DENND5A: variants seen among roughly 807,000 people sequenced by gnomAD.
The protein encoded by DENND5A is DENN domain-containing protein 5A.
Under a neutral mutation model 140.3 loss-of-function variants are expected in DENND5A, and 64 were observed. The ratio of observed to expected loss-of-function variants is 0.46; its 90% CI spans 0.37 to 0.56. The LOEUF (loss-of-function observed/expected upper bound fraction) is 0.56. Ranked by LOEUF, DENND5A falls within the 20% of genes least tolerant of loss-of-function variation. The probability of loss-of-function intolerance (pLI) is 0.00; values close to 1 mark genes in which losing one functional copy is unlikely to be tolerated. For missense variants in DENND5A, 1,292 were observed against 1,593.8 expected (o/e 0.81, Z 3.22); for synonymous variants, 605 against 607.7 (o/e 1.00, Z 0.07).
rs115535349 is a variant in DENND5A at position 9,173,626 on chromosome 11, A to G, written c.1907-2849T>C. Among the ~76,000 whole-genome samples, 393 of 152,292 alleles carry G rather than the reference A, an allele frequency of 2.6e-3. 1 individual carries two copies. Among genetic ancestry groups the G allele is most frequent in the African/African-American group, 8.9e-3 (369 of 41,562 alleles). ...CCCTTCAGCTTACCAAACAGCTGGG[A>G]GTATGGGTGCACATGACTGTGCCTG... On this transcript the variant is annotated intron_variant, in intron 8 of 22. Transcript: ENST00000328194.
chr11:9,178,817 G>A (rs1343394265), intron 7 of DENND5A, 41 bp downstream of exon 7: 3 of 1,522,710 alleles, frequency 2.0e-6, no homozygotes, highest in Admixed American at 1.7e-5. Flanking sequence ...TAACTGGCAA[G>A]TTCTCATTCC....
chr11:9,229,690 A>G (rs1207296172), intron 1 of DENND5A, among the ~76,000 whole-genome samples: 1 of 152,096 alleles, frequency 6.6e-6, no homozygotes, highest in African/African-American at 2.4e-5. Flanking sequence ...ATACCCAGGA[A>G]GAAGGAATGC....
Position 9,232,180 on chromosome 11 carries a change from C to T in DENND5A, c.110-24548G>A, listed in dbSNP as rs79290213. Among the ~76,000 whole-genome samples, 320 of 152,056 alleles carry T rather than the reference C, an allele frequency of 2.1e-3. 3 individuals carry two copies. The highest frequency in any genetic ancestry group is 7.5e-3 in the African/African-American group (312 of 41,502). ...GAAAACACAGAACATCTTCATGATC[C>T]TGCAATAACAAAGATATAAAATGCA... On this transcript the variant is annotated intron_variant, in intron 1 of 22. Coordinates refer to ENST00000328194, the MANE Select transcript of DENND5A (RefSeq NM_015213.4).
chr11:9,204,290 T>C lies in DENND5A; in HGVS notation c.319A>G (p.Lys107Glu). ...MLCMPKGLAF[K>E]TQADPREPQF... ...GGCTCCCTGGGATCAGCCTGGGTCTTGAATGCCAGCCCTTTCGGCATACAT... is the reference window on the plus strand; with the variant it reads ...GGCTCCCTGGGATCAGCCTGGGTCTCGAATGCCAGCCCTTTCGGCATACAT... Residue 107 changes from lysine (K) to glutamate (E), a missense_variant, in exon 4 of 23, where the codon AAG (lysine) becomes GAG (glutamate). Physicochemically the swap from Lys to Glu is moderately conservative, Grantham distance 56. Transcript: ENST00000328194. The C allele has an allele frequency of 1.9e-6, 3 of 1,612,656 alleles. No homozygotes were observed. Among genetic ancestry groups the C allele is most frequent in the Non-Finnish European group, 2.5e-6 (3 of 1,179,952 alleles).
Position 9,139,386 on chromosome 11 carries a change from C to A in DENND5A, c.*285G>T. 4.8e-6 allele frequency: 2 copies of A among 413,680 alleles called. No individual in the cohort carries two copies. Among genetic ancestry groups the A allele is most frequent in the Non-Finnish European group, 8.9e-6 (2 of 224,734 alleles). The allele number at this position is 413,680 out of a possible 1,614,324, so 25.6% of individuals were successfully genotyped here. A position where few individuals can be genotyped will look rare whatever the true frequency, so the allele number is the denominator to read the frequency against. On this transcript the variant is annotated 3_prime_UTR_variant, in exon 23 of 23. Transcript: ENST00000328194. ...AGGCTCAGTCCAGGGAGGCCTCAGG[C>A]TTCCAGCATGTGGCCACGGCGAGGG...
intron 1 of DENND5A, among the ~76,000 whole-genome samples, chr11:9,243,341 T>C (rs1013922377): frequency 6.6e-6 from 1 of 152,044 alleles, no homozygotes; most frequent in African/African-American, 2.4e-5. Flanking sequence ...TTCACACAGA[T>C]GTTGTGAGAA....
chr11:9,223,373 C>A (rs186768547), intron 1 of DENND5A, among the ~76,000 whole-genome samples: 1 of 151,962 alleles, frequency 6.6e-6, no homozygotes, highest in East Asian at 1.9e-4. Context: ...AACCCCATCT[C>A]TACTAAAAAT....
chr11:9,258,885 G>A (rs142783463), intron 1 of DENND5A, among the ~76,000 whole-genome samples: 1 of 152,264 alleles, frequency 6.6e-6, no homozygotes, highest in East Asian at 1.9e-4. Flanking sequence ...TACAGTCAAG[G>A]AGGAGTATGA....
In DENND5A at chr11:9,264,775, A is replaced by C. The variant is rs1277555342; in HGVS notation, c.109+186T>G. Among the ~76,000 whole-genome samples, 6 of 152,070 alleles carry C rather than the reference A, an allele frequency of 3.9e-5. No individual in the cohort carries two copies. In the East Asian group the frequency reaches 1.2e-3, roughly 29 times the overall value. ...AGCGGGCCGTAGGTTTGGACCCCTC[A>C]TGGCTCAGAGCCCCTCATCCGTTTC... On this transcript the variant is annotated intron_variant, in intron 1 of 22. Coordinates refer to ENST00000328194, the MANE Select transcript of DENND5A (RefSeq NM_015213.4).
At chr11:9,144,046 C>A (rs374876781) in intron 19 of DENND5A, 51 bp downstream of exon 19, 16 of 1,563,718 alleles carry the variant, frequency 1.0e-5, no homozygotes, top group Non-Finnish European at 1.4e-5. Context: ...CAGAGATCCA[C>A]CCATTCCCTA....
At chr11:9,195,310 A>G (rs1393272883) in intron 4 of DENND5A, among the ~76,000 whole-genome samples, 1 of 147,980 alleles carries the variant, frequency 6.8e-6, no homozygotes, top group African/African-American at 2.5e-5. Context: ...TCCCAACCTC[A>G]GGTGATCCGC....
chr11:9,236,718 A>G lies in DENND5A; in HGVS notation c.109+28243T>C, dbSNP rs1011265084. On this transcript the variant is annotated intron_variant, in intron 1 of 22. Coordinates refer to ENST00000328194, the MANE Select transcript of DENND5A (RefSeq NM_015213.4). ...GCAACAAAGCAAGACCTCTGCCTCGAAAGAAAGAAAAAGAAAAAGATGAAA... is the reference window on the plus strand; with the variant it reads ...GCAACAAAGCAAGACCTCTGCCTCGGAAGAAAGAAAAAGAAAAAGATGAAA... Among the ~76,000 whole-genome samples, 3 of 117,846 alleles carry G rather than the reference A, an allele frequency of 2.5e-5. No homozygotes were observed. The South Asian group carries it at 9.8e-4, about 38-fold the overall frequency. The allele number at this position is 117,846 out of a possible 152,430, so 77.3% of individuals were successfully genotyped here. A position where few individuals can be genotyped will look rare whatever the true frequency, so the allele number is the denominator to read the frequency against.
At chr11:9,239,260 G>A (rs940567901) in intron 1 of DENND5A, among the ~76,000 whole-genome samples, 6 of 151,584 alleles carry the variant, frequency 4.0e-5, no homozygotes, top group Admixed American at 6.6e-5. Flanking sequence ...TCAAATTCAC[G>A]GGCTCAAGCA....
chr11:9,145,877 G>T, intron 16 of DENND5A, 62 bp from the exon 17 acceptor site: 2 of 1,566,442 alleles, frequency 1.3e-6, no homozygotes, highest in Non-Finnish European at 1.8e-6. Flanking sequence ...TACCAGATGG[G>T]ACTCTGACCT....
intron 1 of DENND5A, among the ~76,000 whole-genome samples, chr11:9,227,605 A>C (rs911759949): frequency 2.0e-5 from 3 of 152,092 alleles, no homozygotes; most frequent in African/African-American, 7.2e-5. Flanking sequence ...TAGAACTCAA[A>C]TATTAGTTCC....
chr11:9,235,571 T>C (rs1450147750), intron 1 of DENND5A, among the ~76,000 whole-genome samples: 1 of 151,766 alleles, frequency 6.6e-6, no homozygotes, highest in Non-Finnish European at 1.5e-5. Flanking sequence ...GATAGGAGAA[T>C]TGTTTGAACC....
chr11:9,166,810 C>T (rs1366939664), intron 10 of DENND5A, among the ~76,000 whole-genome samples: 4 of 150,758 alleles, frequency 2.7e-5, no homozygotes, highest in Non-Finnish European at 4.4e-5. Flanking sequence ...CTAGCCTGGG[C>T]GACAGAGCGA....
rs764505037 is a variant in DENND5A at position 9,144,233 on chromosome 11, G to A, written c.3168C>T (p.Ser1056=). The change falls in exon 19 of 23, where the codon AGC becomes AGT. Residue 1056 remains serine, a synonymous_variant. Transcript: ENST00000328194. ...GCTCCCCAACTAGGATCCGCTCCAG[G>A]CTTCCATCATCCATGCCCTTCCCTA... ...RWLGKGMDDG[S]LERILVGELL... The A allele has an allele frequency of 6.2e-7, 1 of 1,614,124 alleles. No homozygotes were observed. The highest frequency in any genetic ancestry group is 8.5e-7 in the Non-Finnish European group (1 of 1,180,004).
chr11:9,230,331 T>C (rs1850718835), intron 1 of DENND5A, among the ~76,000 whole-genome samples: 1 of 145,022 alleles, frequency 6.9e-6, no homozygotes, highest in Non-Finnish European at 1.5e-5. Context: ...ATCTCAACCT[T>C]CTGAGCTCAA....
Sources: allele counts gnomAD v4.1 joint callset (sites outside exome capture counted in the v4.1 genomes callset), GRCh38; gene constraint gnomAD v4.1.1; transcripts MANE v1.5; gene names NCBI Gene and HGNC (gene_info 2026-07-23, HGNC 2026-07-21).